Variants in UGT3A1 observed in about 807,000 individuals in gnomAD.
UGT3A1 encodes UDP-glycosyltransferase 3A1.
Under a neutral mutation model 37.6 loss-of-function variants are expected in UGT3A1, and 40 were observed. That is an observed-to-expected ratio of 1.06 (90% CI 0.83 to 1.38). The LOEUF is 1.38. Among genes scored for constraint, UGT3A1 ranks in the 40% most tolerant of loss-of-function variants. The pLI is 0.00. For synonymous variants in UGT3A1, 256 were observed against 232.3 expected (o/e 1.10, Z -0.93); for missense variants, 642 against 634.2 (o/e 1.01, Z -0.13).
Position 35,988,473 on chromosome 5 carries a change from T to C in UGT3A1, c.173A>G (p.Gln58Arg), listed in dbSNP as rs571582897. 8.7e-6 allele frequency: 14 copies of C among 1,608,324 alleles called. No homozygotes were observed. Among genetic ancestry groups the C allele is most frequent in the South Asian group, 6.7e-5 (6 of 89,302 alleles). Residue 58 changes from glutamine to arginine, a missense_variant, in exon 2 of 7, where the codon CAG becomes CGG. Physicochemically the swap from Gln to Arg is conservative, Grantham distance 43. Coordinates refer to ENST00000274278, the MANE Select transcript of UGT3A1 (RefSeq NM_152404.4). ...EHGHNVTMLH[Q>R]SGKFLIPDIK... is the part of the protein sequence containing the mutation. Reference sequence around the variant, plus strand: ...ACCTGGGATCAAAAACTTTCCACTCTGATGAAGCATAGTCACATTATGACC... The same window carrying C: ...ACCTGGGATCAAAAACTTTCCACTCCGATGAAGCATAGTCACATTATGACC...
intron 2 of UGT3A1, among the ~76,000 whole-genome samples, chr5:35,970,266 C>A (rs1739982808): frequency 6.6e-6 from 1 of 152,072 alleles, no homozygotes; most frequent in African/African-American, 2.4e-5. Flanking sequence ...GTGGCACACA[C>A]CTGTAGTCCC....
Position 35,957,312 on chromosome 5 carries a change from G to A in UGT3A1, c.951C>T (p.His317=). 10 of 1,614,206 alleles carry A rather than the reference G, an allele frequency of 6.2e-6. No homozygotes were observed. The highest frequency in any genetic ancestry group is 8.5e-6 in the Non-Finnish European group (10 of 1,180,038). The change falls in exon 5 of 7, where the codon CAC becomes CAT. Residue 317 remains histidine, a synonymous_variant. Transcript: ENST00000274278. ...CTTGAGGGAGGTGGGCAAAGGCATTGTGCATCTTCTTGAGGACTTCCTGGG... is the reference window on the plus strand; with the variant it reads ...CTTGAGGGAGGTGGGCAAAGGCATTATGCATCTTCTTGAGGACTTCCTGGG... ...HQSQEVLKKM[H]NAFAHLPQGV...
At chr5:35,990,863 G>GGTATCAAATTTCTGGCCCCA in intron 1 of UGT3A1, 1 of 1,184,424 alleles carries the variant, frequency 8.4e-7, no homozygotes, top group Non-Finnish European at 1.1e-6. Context: ...CTCTGGTCCT[G>GGTATCAAATTTCTGGCCCCA]GTCTCAAATT....
intron 4 of UGT3A1, among the ~76,000 whole-genome samples, chr5:35,963,968 A>G (rs1019111996): frequency 6.6e-6 from 1 of 152,176 alleles, no homozygotes; most frequent in Admixed American, 6.5e-5. Flanking sequence ...TATTTAACAT[A>G]TTGTTTAATG....
rs1739207210 is a variant in UGT3A1 at position 35,951,904 on chromosome 5, T to C, written c.*2298A>G. ...GATCAAATATTGCCTTTTTTCTCAATATTATCCAGTTGTCCTAGCAGTATT... is the reference window on the plus strand; with the variant it reads ...GATCAAATATTGCCTTTTTTCTCAACATTATCCAGTTGTCCTAGCAGTATT... On this transcript the variant is annotated 3_prime_UTR_variant, in exon 7 of 7. Coordinates refer to ENST00000274278, the MANE Select transcript of UGT3A1 (RefSeq NM_152404.4). 6.6e-6 allele frequency: 1 copy of C among 152,236 alleles called. No homozygotes were observed. Among genetic ancestry groups the C allele is most frequent in the Admixed American group, 6.5e-5 (1 of 15,290 alleles). 9.4% of individuals were successfully genotyped at this position (152,236 alleles called of 1,614,324 possible). A position where few individuals can be genotyped will look rare whatever the true frequency, so the allele number is the denominator to read the frequency against.
intron 4 of UGT3A1, among the ~76,000 whole-genome samples, chr5:35,960,500 T>G (rs1317822204): frequency 2.0e-5 from 3 of 152,170 alleles, no homozygotes; most frequent in Non-Finnish European, 4.4e-5. Flanking sequence ...CTGCTCAAAC[T>G]CCTTACAGAA....
rs1739224991 is a variant in UGT3A1, at chr5:35,952,943, G to A, written c.*1259C>T. On this transcript the variant is annotated 3_prime_UTR_variant, in exon 7 of 7. Coordinates refer to ENST00000274278, the MANE Select transcript of UGT3A1 (RefSeq NM_152404.4). ...GGGGGCATTCTCTATTTCTGCAGGA[G>A]CATTTGTAACAGTTTCATCTTTTGA... 6.6e-6 allele frequency: 1 copy of A among 152,184 alleles called. No individual in the cohort carries two copies. Among genetic ancestry groups the A allele is most frequent in the Non-Finnish European group, 1.5e-5 (1 of 68,040 alleles). The allele number at this position is 152,184 out of a possible 1,614,324, so 9.4% of individuals were successfully genotyped here. A position where few individuals can be genotyped will look rare whatever the true frequency, so the allele number is the denominator to read the frequency against.
intron 1 of UGT3A1, among the ~76,000 whole-genome samples, chr5:35,989,641 T>G (rs1158523526): frequency 1.3e-5 from 2 of 152,162 alleles, no homozygotes; most frequent in Non-Finnish European, 2.9e-5. Flanking sequence ...CAGCCACTCA[T>G]AGTGGGTCTT....
chr5:35,996,144 T>C (rs1453338199), upstream of UGT3A1, among the ~76,000 whole-genome samples: 1 of 152,154 alleles, frequency 6.6e-6, no homozygotes, highest in Non-Finnish European at 1.5e-5. Context: ...CTGAAGACTC[T>C]TGCCTCCCAG....
chr5:35,988,627 G>T, intron 1 of UGT3A1, 76 bp from the exon 2 acceptor site: 2 of 1,143,066 alleles, frequency 1.7e-6, no homozygotes, highest in Non-Finnish European at 2.6e-6. Flanking sequence ...AGGCAGGAGG[G>T]AATGGAAATT....
At chr5:35,973,703 C>T (rs1740144662) in intron 2 of UGT3A1, among the ~76,000 whole-genome samples, 1 of 152,164 alleles carries the variant, frequency 6.6e-6, no homozygotes, top group Non-Finnish European at 1.5e-5. Context: ...ACCAGAGGCT[C>T]TGTGTTTGTT....
rs1739194305 is a variant in UGT3A1, at chr5:35,951,181, CCTT to C, written c.*3018_*3020del. 2 of 152,080 alleles carry C rather than the reference CCTT, an allele frequency of 1.3e-5. No homozygotes were observed. The highest frequency in any genetic ancestry group is 2.4e-5 in the African/African-American group (1 of 41,422). The allele number at this position is 152,080 out of a possible 1,614,324, so 9.4% of individuals were successfully genotyped here. On this transcript the variant is annotated 3_prime_UTR_variant, in exon 7 of 7. Transcript: ENST00000274278. ...GTATTTCAGTTCTTGGCTTTTCTCT[CCTT>C]GTTTATTTAAACATATACTTGGTAT...
intron 2 of UGT3A1, among the ~76,000 whole-genome samples, chr5:35,971,853 C>T (rs78166467): frequency 0.04 from 6,066 of 152,216 alleles, 398 homozygotes; most frequent in African/African-American, 0.14. Flanking sequence ...TCCCTTCTAC[C>T]AACCACCCCA....
Position 35,954,456 on chromosome 5 carries a change from C to T in UGT3A1, c.1318G>A (p.Ala440Thr), listed in dbSNP as rs1739277541. ...GGCTGAGAGTGCAGGATGACACTGG[C>T]TGCCACCACTGCCGACTTGTACCTG... ...DKRYKSAVVAASVILHSQPLS... is the reference protein window; with the variant it reads ...DKRYKSAVVATSVILHSQPLS... Residue 440 changes from alanine (A) to threonine (T), a missense_variant, in exon 7 of 7, where the codon GCC (alanine) becomes ACC (threonine). Transcript: ENST00000274278. 1.9e-6 allele frequency: 3 copies of T among 1,613,968 alleles called. No individual in the cohort carries two copies. The highest frequency in any genetic ancestry group is 2.7e-5 in the African/African-American group (2 of 74,940).
In UGT3A1 at chr5:35,991,138, A is replaced by T; in HGVS notation, c.94+9T>A. ...CGCCTGTCTGGGAATTCTCCGGCCA[A>T]GCACTCACCCAGTGTAGATATTGTC... On this transcript the variant is annotated intron_variant, in intron 1 of 6. Transcript: ENST00000274278. 1 of 1,614,238 alleles carries T rather than the reference A, an allele frequency of 6.2e-7. No individual in the cohort carries two copies. Among genetic ancestry groups the T allele is most frequent in the Non-Finnish European group, 8.5e-7 (1 of 1,180,030 alleles).
intron 4 of UGT3A1, among the ~76,000 whole-genome samples, chr5:35,964,996 T>A (rs966396960): frequency 5.3e-5 from 8 of 152,242 alleles, no homozygotes; most frequent in African/African-American, 1.2e-4. Context: ...AACCACAGTG[T>A]TGTCTGTTTC....
At chr5:35,980,319 T>C (rs143167450) in intron 2 of UGT3A1, among the ~76,000 whole-genome samples, 1,714 of 152,280 alleles carry the variant, frequency 0.011, 34 homozygotes, top group African/African-American at 0.039. Flanking sequence ...GTGCAGAACA[T>C]TTATTACTGA....
At chr5:35,978,982 G>T (rs956774423) in intron 2 of UGT3A1, among the ~76,000 whole-genome samples, 4 of 151,854 alleles carry the variant, frequency 2.6e-5, no homozygotes, top group African/African-American at 9.7e-5. Flanking sequence ...CCAACAGGGC[G>T]GTCAAATCTA....
At chr5:35,976,945 A>G (rs937637841) in intron 2 of UGT3A1, among the ~76,000 whole-genome samples, 1 of 151,362 alleles carries the variant, frequency 6.6e-6, no homozygotes, top group East Asian at 1.9e-4. Flanking sequence ...AAAGAAAAAG[A>G]GAGAGAAAGA....
Sources: allele counts gnomAD v4.1 joint callset (sites outside exome capture counted in the v4.1 genomes callset), GRCh38; gene constraint gnomAD v4.1.1; transcripts MANE v1.5; gene names NCBI Gene and HGNC (gene_info 2026-07-23, HGNC 2026-07-21).